Variants in CDH13 observed in about 807,000 individuals in gnomAD.
CDH13 encodes the protein cadherin 13, also known as cadherin-13.
CDH13 carries 24 observed loss-of-function variants against 63.8 expected under a neutral mutation model. The ratio of observed to expected loss-of-function variants is 0.38; its 90% CI spans 0.27 to 0.53. CDH13 has a LOEUF of 0.53. Ranked by LOEUF, CDH13 falls within the 20% of genes least tolerant of loss-of-function variation. CDH13 has a pLI of 0.85. For synonymous variants in CDH13, 503 were observed against 355.3 expected (o/e 1.42, Z -4.67); for missense variants, 1,049 against 903.1 (o/e 1.16, Z -2.07).
chr16:83,277,261 C>G (rs946457119), intron 5 of CDH13, among the ~76,000 whole-genome samples: 10 of 152,170 alleles, frequency 6.6e-5, no homozygotes, highest in African/African-American at 2.2e-4. Flanking sequence ...AAGTCATCTA[C>G]AAATATGTTT....
At chr16:83,759,027 G>A (rs1351075416) in intron 11 of CDH13, among the ~76,000 whole-genome samples, 1 of 152,212 alleles carries the variant, frequency 6.6e-6, no homozygotes, top group Non-Finnish European at 1.5e-5. Flanking sequence ...GGGGATCGGG[G>A]CAGAAATTGA....
intron 1 of CDH13, among the ~76,000 whole-genome samples, chr16:82,691,607 G>C (rs1034019380): frequency 6.6e-6 from 1 of 152,088 alleles, no homozygotes; most frequent in African/African-American, 2.4e-5. Flanking sequence ...CCTTCTTATA[G>C]ATCCACTCTG....
chr16:82,841,916 T>C (rs2039022338), intron 1 of CDH13, among the ~76,000 whole-genome samples: 1 of 151,722 alleles, frequency 6.6e-6, no homozygotes, highest in Admixed American at 6.6e-5. Flanking sequence ...AAATTAGCCA[T>C]GATGGGAGCA....
chr16:83,619,689 C>A (rs1909629400), intron 8 of CDH13, among the ~76,000 whole-genome samples: 1 of 152,244 alleles, frequency 6.6e-6, no homozygotes, highest in African/African-American at 2.4e-5. Context: ...ATGCCTGTGT[C>A]CACATTTCCT....
At chr16:83,665,961 G>T (rs907898184) in intron 8 of CDH13, among the ~76,000 whole-genome samples, 3 of 152,158 alleles carry the variant, frequency 2.0e-5, no homozygotes, top group Non-Finnish European at 4.4e-5. Context: ...TCAAAGAAAA[G>T]AAAATAATCA....
Position 83,540,070 on chromosome 16 carries a change from T to TTTG in CDH13, c.960+53417_960+53418insGTT, listed in dbSNP as rs1368302515. Among the ~76,000 whole-genome samples, 860 of 151,450 alleles carry TTTG rather than the reference T, an allele frequency of 5.7e-3. 10 individuals carry two copies. The highest frequency in any genetic ancestry group is 0.02 in the African/African-American group (820 of 41,270). On this transcript the variant is annotated intron_variant, in intron 7 of 13. Coordinates refer to ENST00000567109, the MANE Select transcript of CDH13 (RefSeq NM_001257.5). The stretch of plus-strand genomic sequence containing the variant: ...CTTTATGTTATTGTCAATAAATTTT[T>TTTG]TTTTTTTTTTTTTGAGATGGAGTCT...
intron 13 of CDH13, among the ~76,000 whole-genome samples, chr16:83,787,794 T>A (rs904988051): frequency 3.3e-5 from 5 of 152,116 alleles, no homozygotes; most frequent in African/African-American, 1.2e-4. Context: ...AATACAAAAA[T>A]TAGCCAGGCG....
intron 1 of CDH13, among the ~76,000 whole-genome samples, chr16:82,678,086 C>T (rs941316384): frequency 1.3e-5 from 2 of 152,136 alleles, no homozygotes; most frequent in African/African-American, 4.8e-5. Flanking sequence ...TCTTCACCCT[C>T]TACACTGGCC....
At chr16:82,780,451 A>G (rs919429265) in intron 1 of CDH13, among the ~76,000 whole-genome samples, 1 of 152,216 alleles carries the variant, frequency 6.6e-6, no homozygotes, top group Non-Finnish European at 1.5e-5. Flanking sequence ...AGCCCATGCA[A>G]TGTGCCTTCT....
At chr16:83,540,750 G>A (rs1030435923) in intron 7 of CDH13, among the ~76,000 whole-genome samples, 3 of 152,154 alleles carry the variant, frequency 2.0e-5, no homozygotes, top group African/African-American at 7.2e-5. Context: ...AATTGCGGCA[G>A]TCAGCCACAG....
intron 7 of CDH13, among the ~76,000 whole-genome samples, chr16:83,508,657 T>G (rs557988407): frequency 6.6e-6 from 1 of 152,180 alleles, no homozygotes; most frequent in Admixed American, 6.5e-5. Context: ...CCCAGTGAGT[T>G]TGAACACCAG....
chr16:82,961,345 A>G (rs566929445), intron 2 of CDH13, among the ~76,000 whole-genome samples: 13 of 152,048 alleles, frequency 8.5e-5, no homozygotes, highest in Non-Finnish European at 1.9e-4. Flanking sequence ...TCACTAACCT[A>G]TGGTTCTGGG....
chr16:83,365,680 C>T (rs1431863873), intron 6 of CDH13, among the ~76,000 whole-genome samples: 2 of 152,128 alleles, frequency 1.3e-5, no homozygotes, highest in African/African-American at 2.4e-5. Context: ...CACATGGGCC[C>T]TTTAAAGCAG....
At chr16:82,936,840 T>TG (rs34242126) in intron 2 of CDH13, among the ~76,000 whole-genome samples, 56,769 of 151,880 alleles carry the variant, frequency 0.37, 14,390 homozygotes, top group African/African-American at 0.73. Flanking sequence ...GTGGGGGAGG[T>TG]ACACTTCGCC....
At chr16:83,246,336 G>C (rs758021043) in intron 5 of CDH13, among the ~76,000 whole-genome samples, 1 of 151,970 alleles carries the variant, frequency 6.6e-6, no homozygotes, top group African/African-American at 2.4e-5. Context: ...ATTCAGGGGG[G>C]GTCTGTGATT....
At chr16:82,786,231 T>G (rs1019738467) in intron 1 of CDH13, among the ~76,000 whole-genome samples, 9 of 152,206 alleles carry the variant, frequency 5.9e-5, no homozygotes, top group African/African-American at 2.2e-4. Context: ...ACTGACATAT[T>G]CTTTGAAAAG....
At chr16:83,590,903 C>CTTTT (rs34324940) in intron 7 of CDH13, among the ~76,000 whole-genome samples, 38 of 88,846 alleles carry the variant, frequency 4.3e-4, no homozygotes, top group East Asian at 7.6e-4. Context: ...CCAGGGGATT[C>CTTTT]TTTTTTTTTT....
chr16:83,346,792 GT>G (rs368883453), intron 6 of CDH13, among the ~76,000 whole-genome samples: 87 of 152,196 alleles, frequency 5.7e-4, no homozygotes, highest in African/African-American at 1.9e-3. Flanking sequence ...TTTTATGTAT[GT>G]TTTTTGTGTA....
At chr16:83,502,741 T>C (rs1355350813) in intron 7 of CDH13, among the ~76,000 whole-genome samples, 1 of 152,218 alleles carries the variant, frequency 6.6e-6, no homozygotes, top group East Asian at 1.9e-4. Flanking sequence ...GCCGTTAGCA[T>C]TGGCCATGAA....
Sources: gnomAD v4.1 joint callset for allele counts (sites outside exome capture counted in the v4.1 genomes callset) on GRCh38, gnomAD v4.1.1 for gene constraint, MANE v1.5 for transcripts, NCBI Gene and HGNC (gene_info 2026-07-23, HGNC 2026-07-21) for gene names.